Variants in SNRPD1 observed in about 807,000 individuals in gnomAD.
SNRPD1 encodes small nuclear ribonucleoprotein Sm D1.
A neutral mutation model predicts 14.4 loss-of-function variants in SNRPD1; 1 was observed. The ratio of observed to expected loss-of-function variants is 0.07; its 90% confidence interval spans 0.02 to 0.33. The LOEUF is 0.33. Ranked by LOEUF, SNRPD1 falls within the 10% of genes least tolerant of loss-of-function variation. The pLI, the probability that SNRPD1 is intolerant of heterozygous loss-of-function variation, is 1.00. For missense variants in SNRPD1, 52 were observed against 146.4 expected, an observed-to-expected ratio of 0.36 and a Z score of 3.33; for synonymous variants, 42 against 50.3, an observed-to-expected ratio of 0.83 and a Z score of 0.70.
rs2850557 is a variant in SNRPD1 at position 21,613,148 on chromosome 18, A to G, written c.14+705A>G. On this transcript the variant is annotated intron_variant, in intron 1 of 3. Transcript: ENST00000300413. ...AACGTAATTGTGGCTGATTACTCAG[A>G]TAATATATAGTTCTCCTGTTTTATT... Among the ~76,000 whole-genome samples the G allele has an allele frequency of 2.6e-3, 397 of 152,320 alleles. 2 individuals are homozygous for G. Among genetic ancestry groups the G allele is most frequent in the African/African-American group, 9.1e-3 (377 of 41,584 alleles).
At chr18:21,622,205 T>C (rs2039003157) in intron 1 of SNRPD1, among the ~76,000 whole-genome samples, 1 of 152,014 alleles carries the variant, frequency 6.6e-6, no homozygotes, top group African/African-American at 2.4e-5. Flanking sequence ...AGTGGCGTGA[T>C]CTCGGCTCAC....
chr18:21,612,492 CCCGGAG>C, intron 1 of SNRPD1, 49 bp downstream of exon 1: 1 of 1,398,928 alleles, frequency 7.1e-7, no homozygotes, highest in Non-Finnish European at 9.6e-7. Flanking sequence ...GAGGGCTTGG[CCCGGAG>C]TCCGGAAGGC....
chr18:21,626,513 A>G (rs994264631), intron 3 of SNRPD1, among the ~76,000 whole-genome samples: 2 of 151,906 alleles, frequency 1.3e-5, no homozygotes, highest in African/African-American at 4.8e-5. Flanking sequence ...GGTTTGGGCC[A>G]GGTGTGGTGG....
chr18:21,631,912 T>G lies in SNRPD1; in HGVS notation c.*2774T>G, dbSNP rs1027974484. 1.3e-5 allele frequency: 2 copies of G among 151,196 alleles called. No homozygotes were observed. The highest frequency in any genetic ancestry group is 4.9e-5 in the African/African-American group (2 of 41,092). 9.4% of individuals were successfully genotyped at this position (151,196 alleles called of 1,614,324 possible). The stretch of plus-strand genomic sequence containing the variant: ...GGGGTCAAACAAAACCCTGCAAGAG[T>G]AGGAAATAAACAGTTGGCTCCTGTC... On this transcript the variant is annotated 3_prime_UTR_variant, in exon 4 of 4. Transcript: ENST00000300413.
At chr18:21,624,327 C>T (rs1308235236) in intron 3 of SNRPD1, among the ~76,000 whole-genome samples, 4 of 149,104 alleles carry the variant, frequency 2.7e-5, no homozygotes, top group East Asian at 2.0e-4. Flanking sequence ...TGCAGTGAGC[C>T]GAGATCTCAC....
intron 3 of SNRPD1, among the ~76,000 whole-genome samples, chr18:21,626,967 C>T (rs1598494615): frequency 7.1e-6 from 1 of 141,734 alleles, no homozygotes; most frequent in African/African-American, 2.6e-5. Flanking sequence ...TTTGAATAAA[C>T]ATTTATTTTC....
chr18:21,615,910 T>G (rs571021056), intron 1 of SNRPD1, among the ~76,000 whole-genome samples: 62 of 152,342 alleles, frequency 4.1e-4, no homozygotes, highest in African/African-American at 7.7e-4. Flanking sequence ...GTATGTGGTG[T>G]TGTTTGCTCA....
At chr18:21,619,641 G>A (rs1260289879) in intron 1 of SNRPD1, among the ~76,000 whole-genome samples, 1 of 151,806 alleles carries the variant, frequency 6.6e-6, no homozygotes, top group African/African-American at 2.4e-5. Flanking sequence ...TCAGCCAGGT[G>A]TGGTGGCAGG....
intron 1 of SNRPD1, among the ~76,000 whole-genome samples, chr18:21,621,586 T>C (rs756752070): frequency 3.9e-5 from 6 of 151,952 alleles, no homozygotes; most frequent in Non-Finnish European, 8.8e-5. Context: ...TATTTTTTTT[T>C]AATTTTTTTT....
At chr18:21,626,984 TAAAA>T (rs929799395) in intron 3 of SNRPD1, among the ~76,000 whole-genome samples, 1 of 136,898 alleles carries the variant, frequency 7.3e-6, no homozygotes, top group Non-Finnish European at 1.6e-5. Flanking sequence ...TTTCTTTCTT[TAAAA>T]AAAAAAAAAA....
chr18:21,612,757 G>T (rs958546919), intron 1 of SNRPD1, among the ~76,000 whole-genome samples: 6 of 152,244 alleles, frequency 3.9e-5, no homozygotes, highest in African/African-American at 1.4e-4. Context: ...TTCTTTTTGA[G>T]TGGAACTCCC....
chr18:21,622,375 C>T (rs945059390), intron 1 of SNRPD1, among the ~76,000 whole-genome samples: 7 of 151,986 alleles, frequency 4.6e-5, no homozygotes, highest in East Asian at 1.9e-4. Context: ...CTCCTGACCT[C>T]GTGATCCGCC....
intron 3 of SNRPD1, among the ~76,000 whole-genome samples, chr18:21,625,506 G>A (rs981384561): frequency 3.3e-5 from 5 of 151,632 alleles, no homozygotes; most frequent in African/African-American, 1.2e-4. Flanking sequence ...AGTAGAGGTG[G>A]GGTTTCATCC....
chr18:21,622,518 A>T (rs2039006022), intron 1 of SNRPD1, among the ~76,000 whole-genome samples: 1 of 152,160 alleles, frequency 6.6e-6, no homozygotes, highest in South Asian at 2.1e-4. Context: ...AAACGTCCAA[A>T]TGACAGTTTA....
chr18:21,612,400 T>G lies in SNRPD1; in HGVS notation c.-30T>G, dbSNP rs1377334725. 6.5e-7 allele frequency: 1 copy of G among 1,545,336 alleles called. No homozygotes were observed. Among genetic ancestry groups the G allele is most frequent in the Non-Finnish European group, 8.8e-7 (1 of 1,136,656 alleles). On this transcript the variant is annotated 5_prime_UTR_variant, in exon 1 of 4. Coordinates refer to ENST00000300413, the MANE Select transcript of SNRPD1 (RefSeq NM_006938.4). ...TTCGGTTGAAGGATTCTGTGTGCTG[T>G]CGGACCCAGAGGGTGACGGCGCCGC...
In SNRPD1 at chr18:21,630,547, G is replaced by A. The variant is rs2039073972; in HGVS notation, c.*1409G>A. ...GAGGCCGAGGCAGGTGGATCACGAG[G>A]TCAGGAGTTGAAGACCAGCTTGGCC... On this transcript the variant is annotated 3_prime_UTR_variant, in exon 4 of 4. Transcript: ENST00000300413. 1 of 151,812 alleles carries A rather than the reference G, an allele frequency of 6.6e-6. No homozygotes were observed. The highest frequency in any genetic ancestry group is 1.5e-5 in the Non-Finnish European group (1 of 67,996). 9.4% of individuals were successfully genotyped at this position (151,812 alleles called of 1,614,324 possible).
chr18:21,612,557 G>C, intron 1 of SNRPD1, 114 bp downstream of exon 1: 1 of 776,880 alleles, frequency 1.3e-6, no homozygotes, highest in South Asian at 2.7e-5. Flanking sequence ...TGCGCGGCCT[G>C]CTAACGGCCG....
intron 3 of SNRPD1, 22 bp downstream of exon 3, chr18:21,623,961 C>T: frequency 1.4e-6 from 2 of 1,467,458 alleles, no homozygotes; most frequent in Non-Finnish European, 1.9e-6. Context: ...GGATTATAAA[C>T]ATTTTTGTGA....
At position 21,633,306 on chromosome 18, in the gene SNRPD1, G is replaced by A. The variant is rs1465156564; in HGVS notation, c.*4168G>A. 6.6e-6 allele frequency: 1 copy of A among 152,102 alleles called. No homozygotes were observed. The highest frequency in any genetic ancestry group is 2.4e-5 in the African/African-American group (1 of 41,414). The allele number at this position is 152,102 out of a possible 1,614,324, so 9.4% of individuals were successfully genotyped here. Reference sequence around the variant, plus strand: ...TTAATGTAGTCAGCAAACAATTCATGTATTACCTATAATAGATATCATACA... The same window carrying A: ...TTAATGTAGTCAGCAAACAATTCATATATTACCTATAATAGATATCATACA... On this transcript the variant is annotated 3_prime_UTR_variant, in exon 4 of 4. Coordinates refer to ENST00000300413, the MANE Select transcript of SNRPD1 (RefSeq NM_006938.4).
Sources: allele counts gnomAD v4.1 joint callset (sites outside exome capture counted in the v4.1 genomes callset), GRCh38; gene constraint gnomAD v4.1.1; transcripts MANE v1.5; gene names NCBI Gene and HGNC (gene_info 2026-07-23, HGNC 2026-07-21).